Variants in MACF1 observed in about 807,000 individuals in gnomAD.
The protein encoded by MACF1 is microtubule actin crosslinking factor 1.
MACF1 carries 193 observed loss-of-function variants against 854.8 expected under a neutral mutation model. The observed-to-expected ratio is 0.23, with a 90% CI of 0.20 to 0.25. MACF1 has a LOEUF of 0.25. MACF1 is among the 10% of genes least tolerant of loss of function. MACF1 has a pLI of 1.00. For synonymous variants in MACF1, 3,185 were observed against 3,226.7 expected (o/e 0.99, Z 0.44); for missense variants, 7,722 against 8,929.1 (o/e 0.86, Z 5.45).
Position 39,332,415 on chromosome 1 carries a change from G to A in MACF1, c.5827G>A (p.Ala1943Thr). The A allele has an allele frequency of 6.2e-7, 1 of 1,614,008 alleles. No homozygotes were observed. The highest frequency in any genetic ancestry group is 8.5e-7 in the Non-Finnish European group (1 of 1,180,010). ...TGCAGAACAAAATATTAATCCTGGA[G>A]CAGCAGTTCTACCGTGCAGCAAGAG... The part of the protein sequence containing the change: ...DSAEQNINPG[A>T]AVLPCSKSHP... The change falls in exon 37 of 101, where the codon GCA (alanine) becomes ACA (threonine). Residue 1943 changes from alanine to threonine, a missense_variant. Physicochemically the swap from Ala to Thr is moderately conservative, Grantham distance 58 (BLOSUM62 0). Around this residue, in one of 15 missense-constraint regions of MACF1, gnomAD observed 1,531 missense variants for 1,601.6 expected, o/e 0.96. Coordinates refer to ENST00000564288, the MANE Select transcript of MACF1 (RefSeq NM_001394062.1).
intron 52 of MACF1, among the ~76,000 whole-genome samples, chr1:39,375,186 T>G (rs1342950769): frequency 1.3e-5 from 2 of 152,114 alleles, no homozygotes; most frequent in East Asian, 1.9e-4. Context: ...ATATGTTATT[T>G]TATAGCATTT....
At chr1:39,378,406 A>T in intron 52 of MACF1, 55 bp from the exon 53 acceptor site, 2 of 1,311,416 alleles carry the variant, frequency 1.5e-6, no homozygotes, top group Non-Finnish European at 2.2e-6. Context: ...CAGTGCCTAT[A>T]TGTATTCCTA....
intron 2 of MACF1, among the ~76,000 whole-genome samples, chr1:39,234,692 G>A (rs1375788229): frequency 1.6e-5 from 2 of 127,436 alleles, no homozygotes; most frequent in African/African-American, 5.9e-5. Flanking sequence ...GGGCGGAGAC[G>A]CTCCTCACTT....
rs1472163444 is a variant in MACF1, at chr1:39,451,754, A to T, written c.20419-402A>T. Among the ~76,000 whole-genome samples the T allele has an allele frequency of 1.9e-4, 29 of 152,228 alleles. 1 individual carries two copies. The highest frequency in any genetic ancestry group is 1.5e-5 in the Non-Finnish European group (1 of 68,042). On this transcript the variant is annotated intron_variant, in intron 85 of 100. Transcript: ENST00000564288. ...CCCATAATTCTGGAAACGTTAGTAT[A>T]ATGGTTACCATTTTACAGATGAAGA...
At chr1:39,377,416 T>A (rs534218588) in intron 52 of MACF1, among the ~76,000 whole-genome samples, 1 of 152,228 alleles carries the variant, frequency 6.6e-6, no homozygotes, top group African/African-American at 2.4e-5. Context: ...ATTTTTCAGA[T>A]TTCTGTATAA....
intron 2 of MACF1, among the ~76,000 whole-genome samples, chr1:39,144,751 A>G (rs1233367408): frequency 1.3e-5 from 2 of 151,586 alleles, no homozygotes; most frequent in Admixed American, 6.6e-5. Flanking sequence ...TTGGCCACCC[A>G]AAGTGCTGGG....
intron 89 of MACF1, 126 bp from the exon 90 acceptor site, chr1:39,458,244 C>A: frequency 2.5e-6 from 2 of 806,402 alleles, no homozygotes; most frequent in Non-Finnish European, 3.9e-6. Flanking sequence ...TCAACTCAGG[C>A]ACCAGCCTCC....
chr1:39,378,694 G>T (rs1439806784), intron 53 of MACF1, among the ~76,000 whole-genome samples, 171 bp downstream of exon 53: 1 of 152,184 alleles, frequency 6.6e-6, no homozygotes, highest in African/African-American at 2.4e-5. Flanking sequence ...CCATAAACAG[G>T]TTGGCAGCCC....
chr1:39,465,053 T>C, intron 94 of MACF1, 42 bp from the exon 95 acceptor site: 2 of 1,584,180 alleles, frequency 1.3e-6, no homozygotes, highest in Non-Finnish European at 1.7e-6. Flanking sequence ...CTCTTTTTTT[T>C]TCCCCTCCTT....
In MACF1 at chr1:39,388,077, G is replaced by A. The variant is rs1464672891; in HGVS notation, c.15235G>A (p.Asp5079Asn). Residue 5079 changes from aspartate (D) to asparagine (N), a missense_variant, in exon 58 of 101, where the codon GAT becomes AAT. Physicochemically the swap from Asp to Asn is conservative, Grantham distance 23. This residue lies in a region of MACF1 where 2,807 missense variants were observed against 3,235.8 expected (regional missense o/e 0.87). Coordinates refer to ENST00000564288, the MANE Select transcript of MACF1 (RefSeq NM_001394062.1). ...GAACTTTACTCAGGGTCTGGTAGAA[G>A]ATGCCCCAGATGGATCTGATGCTTC... ...LRNFTQGLVE[D>N]APDGSDASQL... 1.2e-6 allele frequency: 2 copies of A among 1,614,014 alleles called. No homozygotes were observed. Among genetic ancestry groups the A allele is most frequent in the Admixed American group, 3.3e-5 (2 of 59,978 alleles).
intron 2 of MACF1, among the ~76,000 whole-genome samples, chr1:39,162,676 G>A (rs1009632960): frequency 6.6e-6 from 1 of 151,968 alleles, no homozygotes; most frequent in Non-Finnish European, 1.5e-5. Context: ...AACTTTCATA[G>A]GCTTCAGTTT....
Position 39,394,678 on chromosome 1 carries a change from C to T in MACF1, c.15816+6020C>T, listed in dbSNP as rs542882538. 2.0e-5 allele frequency among the ~76,000 whole-genome samples: 3 copies of T among 152,304 alleles called. No individual in the cohort carries two copies. The South Asian group carries it at 6.2e-4, about 32-fold the overall frequency. On this transcript the variant is annotated intron_variant, in intron 58 of 100. Transcript: ENST00000564288. ...CAGGGCCCAGCATGGAGTTGAAAGA[C>T]TGCCAGTTTACTCCTTCCTTTCAAA...
chr1:39,408,340 C>G (rs1642795509), intron 58 of MACF1, among the ~76,000 whole-genome samples: 3 of 152,208 alleles, frequency 2.0e-5, no homozygotes, highest in South Asian at 2.1e-4. Flanking sequence ...TAACTTTGGT[C>G]TCTGAGCGTG....
chr1:39,445,475 G>A (rs946709280), intron 80 of MACF1, among the ~76,000 whole-genome samples: 2 of 152,228 alleles, frequency 1.3e-5, no homozygotes, highest in African/African-American at 2.4e-5. Flanking sequence ...TTGAGCAAGT[G>A]TGTGCCAAGT....
Position 39,390,663 on chromosome 1 carries a change from G to A in MACF1, c.15816+2005G>A, listed in dbSNP as rs148221738. On this transcript the variant is annotated intron_variant, in intron 58 of 100. Coordinates refer to ENST00000564288, the MANE Select transcript of MACF1 (RefSeq NM_001394062.1). Reference sequence around the variant, plus strand: ...CTTGCACATTTTTCTTTCCTCTTTTGTTATAAGTGTCTCAAAAGCAGAGAC... The same window carrying A: ...CTTGCACATTTTTCTTTCCTCTTTTATTATAAGTGTCTCAAAAGCAGAGAC... 3.9e-4 allele frequency among the ~76,000 whole-genome samples: 60 copies of A among 152,226 alleles called. 2 individuals carry two copies. The East Asian group carries it at 0.011, about 28-fold the overall frequency.
chr1:39,230,206 CA>C, intron 1 of MACF1, among the ~76,000 whole-genome samples: 1 of 152,248 alleles, frequency 6.6e-6, no homozygotes, highest in South Asian at 2.1e-4. Flanking sequence ...CAAAATGTGG[CA>C]GTGTGGTGGC....
chr1:39,260,241 A>G (rs945010873), intron 6 of MACF1: 5 of 152,072 alleles, frequency 3.3e-5, no homozygotes, highest in Non-Finnish European at 7.3e-5. Context: ...GAGGTATTCC[A>G]GACTCTTTTT....
intron 23 of MACF1, chr1:39,304,318 G>A (rs1646122253): frequency 2.9e-6 from 2 of 698,254 alleles, no homozygotes; most frequent in East Asian, 3.1e-5. Context: ...TTCCAAGAAT[G>A]TCACCGTCTC....
chr1:39,257,605 A>G (rs1645112219), intron 5 of MACF1: 2 of 215,122 alleles, frequency 9.3e-6, no homozygotes, highest in South Asian at 7.4e-5. Flanking sequence ...TCTGGCCGGC[A>G]GTTTCAAAAT....
Sources: gnomAD v4.1 joint callset for allele counts (sites outside exome capture counted in the v4.1 genomes callset) on GRCh38, gnomAD v4.1.1 for gene constraint, gnomAD v4.1.1 regional missense constraint, MANE v1.5 for transcripts, NCBI Gene and HGNC (gene_info 2026-07-23, HGNC 2026-07-21) for gene names.